Variants in MEGF11 observed in about 807,000 individuals in gnomAD.
MEGF11 encodes the protein multiple epidermal growth factor-like domains protein 11.
Under a neutral mutation model 146.6 loss-of-function variants are expected in MEGF11, and 126 were observed. The observed-to-expected ratio is 0.86, with a 90% confidence interval of 0.74 to 1.00. MEGF11 has a LOEUF of 1.00. Among genes scored for constraint, MEGF11 ranks in the 50% least tolerant of loss-of-function variants. The probability of loss-of-function intolerance (pLI) is 0.00; values close to 1 mark genes in which losing one functional copy is unlikely to be tolerated. For synonymous variants in MEGF11, 532 were observed against 583.4 expected (o/e 0.91, Z 1.27); for missense variants, 1,509 against 1,521.2 (o/e 0.99, Z 0.13).
chr15:66,000,824 A>G (rs928970514), intron 5 of MEGF11, among the ~76,000 whole-genome samples: 1 of 152,246 alleles, frequency 6.6e-6, no homozygotes, highest in African/African-American at 2.4e-5. Flanking sequence ...TGGAGAAGCG[A>G]AAGGCCCCAG....
In MEGF11 at chr15:66,093,493, G is replaced by C. The variant is rs185257144; in HGVS notation, c.394+909C>G. Among the ~76,000 whole-genome samples, 505 of 152,268 alleles carry C rather than the reference G, an allele frequency of 3.3e-3. 4 individuals are homozygous for C. The highest frequency in any genetic ancestry group is 0.012 in the African/African-American group (490 of 41,550). On this transcript the variant is annotated intron_variant, in intron 5 of 25. Coordinates refer to ENST00000395614, the MANE Select transcript of MEGF11 (RefSeq NM_001385028.1). ...TCGGGCTTAGATCCCTAGTGGAGCC[G>C]CTTGGCTATGTTATCCACTCAGGTC...
chr15:66,119,021 C>T (rs945058160), intron 4 of MEGF11, 65 bp downstream of exon 4: 6 of 1,113,330 alleles, frequency 5.4e-6, no homozygotes, highest in Admixed American at 2.0e-5. Flanking sequence ...CCTCCCCTCC[C>T]CTCCCCTCCT....
intron 5 of MEGF11, among the ~76,000 whole-genome samples, chr15:66,049,960 G>A (rs954212451): frequency 1.3e-5 from 2 of 152,148 alleles, no homozygotes; most frequent in African/African-American, 2.4e-5. Context: ...TTTATCAAGG[G>A]CTTCTTATGG....
At chr15:65,987,809 C>G (rs146152947) in intron 5 of MEGF11, among the ~76,000 whole-genome samples, 1,620 of 151,614 alleles carry the variant, frequency 0.011, 18 homozygotes, top group Non-Finnish European at 0.017. Context: ...CTCCTGGGTT[C>G]AAAGGATTCT....
chr15:65,915,443 C>G (rs777112813), intron 19 of MEGF11, 27 bp downstream of exon 19: 1 of 1,611,232 alleles, frequency 6.2e-7, no homozygotes, highest in African/African-American at 1.3e-5. Context: ...TTCCACAGAC[C>G]CCGGGGCTCT....
At chr15:66,012,879 A>G (rs1438259416) in intron 5 of MEGF11, among the ~76,000 whole-genome samples, 3 of 152,214 alleles carry the variant, frequency 2.0e-5, no homozygotes, top group Non-Finnish European at 1.5e-5. Flanking sequence ...AGTGATGATG[A>G]TGGGCCAGCC....
intron 1 of MEGF11, among the ~76,000 whole-genome samples, chr15:66,210,798 G>A (rs373884205): frequency 2.6e-5 from 4 of 152,188 alleles, no homozygotes; most frequent in African/African-American, 9.7e-5. Context: ...ACATTAGAAT[G>A]AAAGGCAAAC....
chr15:66,065,041 C>T (rs1307484514), intron 5 of MEGF11, among the ~76,000 whole-genome samples: 2 of 152,106 alleles, frequency 1.3e-5, no homozygotes, highest in African/African-American at 4.8e-5. Context: ...GATTCACTGG[C>T]CCTTGTGTCC....
At chr15:65,929,535 G>T (rs557454235) in intron 12 of MEGF11, among the ~76,000 whole-genome samples, 185 bp downstream of exon 12, 3 of 152,284 alleles carry the variant, frequency 2.0e-5, no homozygotes, top group African/African-American at 7.2e-5. Flanking sequence ...ATAGACGAGG[G>T]GGATGAGGGC....
intron 5 of MEGF11, among the ~76,000 whole-genome samples, chr15:66,054,050 G>T (rs1293921881): frequency 6.6e-6 from 1 of 152,034 alleles, no homozygotes; most frequent in East Asian, 1.9e-4. Flanking sequence ...CTCCACTGGA[G>T]GCCTTAGCCT....
At chr15:66,144,311 C>G (rs1270668127) in intron 1 of MEGF11, among the ~76,000 whole-genome samples, 2 of 152,114 alleles carry the variant, frequency 1.3e-5, no homozygotes, top group African/African-American at 4.8e-5. Flanking sequence ...GAGAACCACC[C>G]ACCAGGAGCT....
rs1023500977 is a variant in MEGF11 at position 65,896,086 on chromosome 15, A to G, written c.*1848T>C. On this transcript the variant is annotated 3_prime_UTR_variant, in exon 26 of 26. Transcript: ENST00000395614. ...TTCATGCTGCTCATCCTTGCTTCAC[A>G]AACACTTGCTGCCCTGAAATACTGA... 1 of 152,358 alleles carries G rather than the reference A, an allele frequency of 6.6e-6. No homozygotes were observed. The highest frequency in any genetic ancestry group is 1.5e-5 in the Non-Finnish European group (1 of 68,034). The allele number at this position is 152,358 out of a possible 1,614,324, so 9.4% of individuals were successfully genotyped here.
intron 13 of MEGF11, among the ~76,000 whole-genome samples, chr15:65,927,577 G>T (rs1307751653): frequency 2.0e-5 from 3 of 152,190 alleles, no homozygotes; most frequent in Non-Finnish European, 4.4e-5. Context: ...GTTGGGGTGG[G>T]TATTGTAGCA....
intron 5 of MEGF11, among the ~76,000 whole-genome samples, chr15:66,055,325 C>T (rs901638425): frequency 1.3e-5 from 2 of 152,214 alleles, no homozygotes; most frequent in Non-Finnish European, 2.9e-5. Flanking sequence ...ATATAAAGTT[C>T]GTGTTCTTTA....
chr15:65,909,646 CAT>C, intron 22 of MEGF11, 92 bp downstream of exon 22: 1 of 1,277,708 alleles, frequency 7.8e-7, no homozygotes, highest in Non-Finnish European at 1.1e-6. Context: ...GTTCAGAACT[CAT>C]AACCCTGTCC....
intron 10 of MEGF11, among the ~76,000 whole-genome samples, chr15:65,954,980 C>T (rs2080529707): frequency 6.6e-6 from 1 of 152,208 alleles, no homozygotes; most frequent in Non-Finnish European, 1.5e-5. Flanking sequence ...CTTGCTCCTA[C>T]TTTTCCCCTT....
intron 5 of MEGF11, among the ~76,000 whole-genome samples, chr15:66,082,121 C>T (rs2085883673): frequency 6.6e-6 from 1 of 152,082 alleles, no homozygotes; most frequent in Non-Finnish European, 1.5e-5. Flanking sequence ...ACTTCCACCC[C>T]TTCAGGGGCA....
chr15:66,139,601 C>T (rs555260719), intron 1 of MEGF11, among the ~76,000 whole-genome samples: 2 of 112,814 alleles, frequency 1.8e-5, no homozygotes, highest in East Asian at 4.3e-4. Flanking sequence ...TTTTAGACCA[C>T]AGTAGGATAA....
intron 1 of MEGF11, among the ~76,000 whole-genome samples, chr15:66,221,931 G>A (rs920959421): frequency 1.3e-5 from 2 of 152,096 alleles, no homozygotes; most frequent in African/African-American, 4.8e-5. Context: ...AAGCTGGCCG[G>A]CAATAAGTAT....
Sources: allele counts gnomAD v4.1 joint callset (sites outside exome capture counted in the v4.1 genomes callset), GRCh38; gene constraint gnomAD v4.1.1; transcripts MANE v1.5; gene names NCBI Gene and HGNC (gene_info 2026-07-23, HGNC 2026-07-21).